Variants in MAP4K3 observed in about 807,000 individuals in gnomAD.
MAP4K3 encodes the protein mitogen-activated protein kinase kinase kinase kinase 3, also known as MAPK/ERK kinase kinase kinase 3.
Under a neutral mutation model 143.5 loss-of-function variants are expected in MAP4K3, and 94 were observed. The observed-to-expected ratio is 0.65, with a 90% CI of 0.55 to 0.78. The LOEUF (loss-of-function observed/expected upper bound fraction) is 0.78. Ranked by LOEUF, MAP4K3 falls within the 30% of genes least tolerant of loss-of-function variation. MAP4K3 has a pLI of 0.00. For synonymous variants in MAP4K3, 416 were observed against 347.2 expected (o/e 1.20, Z -2.20); for missense variants, 1,077 against 1,068.1 (o/e 1.01, Z -0.12).
At chr2:39,386,179 T>C (rs1225171739) in intron 1 of MAP4K3, among the ~76,000 whole-genome samples, 1 of 152,106 alleles carries the variant, frequency 6.6e-6, no homozygotes, top group African/African-American at 2.4e-5. Flanking sequence ...ATACCAGAGA[T>C]ATACATGCAC....
chr2:39,265,110 T>C (rs1259866938), intron 28 of MAP4K3, 93 bp downstream of exon 28: 19 of 938,778 alleles, frequency 2.0e-5, no homozygotes, highest in Non-Finnish European at 3.0e-5. Flanking sequence ...CTAAATTAAC[T>C]TGAAAATTAA....
At chr2:39,333,649 A>T (rs1405204897) in intron 6 of MAP4K3, 75 bp from the exon 7 acceptor site, 3 of 744,670 alleles carry the variant, frequency 4.0e-6, no homozygotes, top group African/African-American at 1.8e-5. Context: ...ATAAATATAC[A>T]TATTTAAAAT....
intron 1 of MAP4K3, among the ~76,000 whole-genome samples, chr2:39,406,790 T>A (rs72931112): frequency 2.0e-5 from 3 of 152,028 alleles, no homozygotes; most frequent in African/African-American, 7.3e-5. Flanking sequence ...TCTGAAGGTA[T>A]AAAACTCACT....
At chr2:39,347,327 A>C (rs931762667) in intron 3 of MAP4K3, among the ~76,000 whole-genome samples, 1 of 152,216 alleles carries the variant, frequency 6.6e-6, no homozygotes, top group Non-Finnish European at 1.5e-5. Flanking sequence ...TCTATTACCA[A>C]AATGTTTTGA....
intron 26 of MAP4K3, among the ~76,000 whole-genome samples, chr2:39,268,950 C>G (rs1680895336): frequency 6.6e-6 from 1 of 151,898 alleles, no homozygotes; most frequent in African/African-American, 2.4e-5. Context: ...AAGAAAGAGA[C>G]AGATTTCACC....
chr2:39,403,320 A>T (rs1045868347), intron 1 of MAP4K3, among the ~76,000 whole-genome samples: 1 of 152,184 alleles, frequency 6.6e-6, no homozygotes, highest in Admixed American at 6.5e-5. Context: ...TTTTAACTTC[A>T]TATCACTGAA....
At chr2:39,422,397 G>C (rs1399082094) in intron 1 of MAP4K3, among the ~76,000 whole-genome samples, 3 of 152,036 alleles carry the variant, frequency 2.0e-5, no homozygotes, top group Non-Finnish European at 4.4e-5. Flanking sequence ...TTTGGAAACA[G>C]AGGAAAGACC....
chr2:39,251,363 A>C (rs1680150690), intron 33 of MAP4K3, among the ~76,000 whole-genome samples: 1 of 152,234 alleles, frequency 6.6e-6, no homozygotes, highest in Non-Finnish European at 1.5e-5. Flanking sequence ...CTATGCCCTA[A>C]GCTTTTAAGA....
At chr2:39,375,011 T>C (rs1055352652) in intron 2 of MAP4K3, among the ~76,000 whole-genome samples, 4 of 152,188 alleles carry the variant, frequency 2.6e-5, no homozygotes, top group South Asian at 4.1e-4. Context: ...CTTGTAATCC[T>C]AGCAGTTTGG....
chr2:39,251,627 G>C (rs745465060), intron 33 of MAP4K3, among the ~76,000 whole-genome samples: 34 of 152,184 alleles, frequency 2.2e-4, no homozygotes, highest in Non-Finnish European at 3.7e-4. Context: ...AACTAGTACT[G>C]ACAGATCCAT....
chr2:39,268,922 T>A (rs140119334), intron 26 of MAP4K3, among the ~76,000 whole-genome samples: 18 of 152,108 alleles, frequency 1.2e-4, no homozygotes, highest in South Asian at 2.1e-4. Flanking sequence ...CTCTTTTTTT[T>A]AAAAAAATAA....
At position 39,272,344 on chromosome 2, in the gene MAP4K3, G is replaced by C. The variant is rs1314647994; in HGVS notation, c.1912C>G (p.Gln638Glu). 1.9e-6 allele frequency: 3 copies of C among 1,613,812 alleles called. No individual in the cohort carries two copies. Among genetic ancestry groups the C allele is most frequent in the South Asian group, 2.2e-5 (2 of 91,076 alleles). The change falls in exon 26 of 34, where the codon CAA becomes GAA. Residue 638 changes from glutamine (Q) to glutamate (E), a missense_variant. Gln to Glu is a conservative substitution (Grantham distance 29, BLOSUM62 2). Transcript: ENST00000263881. The stretch of plus-strand genomic sequence containing the variant: ...ATAGCAACAGGTAACTTTTGCATTT[G>C]TCTTGCATAATCAAAAAGCCCTGGT... ...NLPGLFDYAR[Q>E]MQKLPVAIPA...
At chr2:39,356,388 T>TGCTCATTTATTTCAAAAC (rs1665611635) in intron 2 of MAP4K3, 49 bp from the exon 3 acceptor site, 1 of 967,800 alleles carries the variant, frequency 1.0e-6, no homozygotes, top group Non-Finnish European at 1.6e-6. Context: ...AGTTTCAAAA[T>TGCTCATTTATTTCAAAAC]GCTCATTTAT....
At chr2:39,254,633 C>T in intron 31 of MAP4K3, 113 bp from the exon 32 acceptor site, 2 of 699,982 alleles carry the variant, frequency 2.9e-6, no homozygotes, top group Non-Finnish European at 4.9e-6. Context: ...CTAATGTCAG[C>T]TATTCCATAT....
chr2:39,379,782 A>T (rs1278555984), intron 1 of MAP4K3: 1 of 168,886 alleles, frequency 5.9e-6, no homozygotes, highest in Non-Finnish European at 1.5e-5. Flanking sequence ...GGGTGATTCT[A>T]CTATGGAAGA....
At chr2:39,355,724 A>C (rs1471085642) in intron 3 of MAP4K3, among the ~76,000 whole-genome samples, 1 of 152,158 alleles carries the variant, frequency 6.6e-6, no homozygotes, top group African/African-American at 2.4e-5. Flanking sequence ...TCTGGCTACC[A>C]AAACAAAGTA....
intron 3 of MAP4K3, among the ~76,000 whole-genome samples, chr2:39,355,886 G>GT (rs991362309): frequency 6.6e-6 from 1 of 152,208 alleles, no homozygotes; most frequent in Non-Finnish European, 1.5e-5. Flanking sequence ...TTAAAAAAAA[G>GT]TTTTTGATAA....
chr2:39,347,704 C>T (rs1665335975), intron 3 of MAP4K3, among the ~76,000 whole-genome samples: 1 of 151,912 alleles, frequency 6.6e-6, no homozygotes, highest in South Asian at 2.1e-4. Flanking sequence ...TAAATTGCTC[C>T]TGGAACTCGG....
intron 28 of MAP4K3, among the ~76,000 whole-genome samples, chr2:39,261,622 ACTC>A (rs1680571922): frequency 6.6e-6 from 1 of 152,134 alleles, no homozygotes; most frequent in Non-Finnish European, 1.5e-5. Context: ...TTGCAATAAT[ACTC>A]CTAGGTATAC....
Sources: allele counts gnomAD v4.1 joint callset (sites outside exome capture counted in the v4.1 genomes callset), GRCh38; gene constraint gnomAD v4.1.1; transcripts MANE v1.5; gene names NCBI Gene and HGNC (gene_info 2026-07-23, HGNC 2026-07-21).